The following LDHA variants were observed in gnomAD, a reference collection of about 807,000 sequenced individuals.
LDHA encodes the protein lactate dehydrogenase A, also known as L-lactate dehydrogenase A chain.
Under a neutral mutation model 36.3 loss-of-function variants are expected in LDHA, and 10 were observed. The ratio of observed to expected loss-of-function variants is 0.28; its 90% CI spans 0.17 to 0.47. The LOEUF (loss-of-function observed/expected upper bound fraction) is 0.47. LDHA is among the 20% of genes least tolerant of loss of function. LDHA has a pLI of 0.99. For missense variants in LDHA, 267 were observed against 405.8 expected, an observed-to-expected ratio of 0.66 and a Z score of 2.94; for synonymous variants, 110 against 136.7, an observed-to-expected ratio of 0.80 and a Z score of 1.36.
At position 18,407,384 on chromosome 11, in the gene LDHA, A is replaced by G. The variant is rs1337848828; in HGVS notation, c.*103A>G. On this transcript the variant is annotated 3_prime_UTR_variant, in exon 8 of 8. Coordinates refer to ENST00000422447, the MANE Select transcript of LDHA (RefSeq NM_005566.4). ...TATCTGATCTGTGATTAAAGCAGTA[A>G]TATTTTAAGATGGACTGGGAAAAAC... The G allele has an allele frequency of 2.5e-6, 4 of 1,595,078 alleles. No individual in the cohort carries two copies. The highest frequency in any genetic ancestry group is 2.6e-6 in the Non-Finnish European group (3 of 1,170,476).
intron 2 of LDHA, chr11:18,398,863 C>G: frequency 6.2e-6 from 1 of 161,740 alleles, no homozygotes; most frequent in Non-Finnish European, 1.4e-5. Flanking sequence ...ATCCGCCTAC[C>G]TTGGCCTCCC....
chr11:18,407,038 T>TA, intron 7 of LDHA, 79 bp from the exon 8 acceptor site: 1 of 1,129,242 alleles, frequency 8.9e-7, no homozygotes, highest in Non-Finnish European at 1.3e-6. Context: ...GCTTTATAAT[T>TA]ATAGAGACTG....
chr11:18,404,138 G>GT (rs947131863), intron 6 of LDHA, among the ~76,000 whole-genome samples: 1 of 85,918 alleles, frequency 1.2e-5, no homozygotes, highest in African/African-American at 3.2e-5. Flanking sequence ...CACCATGTTA[G>GT]CCAAAAAAAA....
chr11:18,404,762 C>T (rs898476172), intron 6 of LDHA, among the ~76,000 whole-genome samples: 2 of 149,698 alleles, frequency 1.3e-5, no homozygotes, highest in Non-Finnish European at 3.0e-5. Context: ...GAGCCGAGAT[C>T]GCGCCACTGC....
intron 4 of LDHA, among the ~76,000 whole-genome samples, chr11:18,401,759 G>C (rs965668215): frequency 1.4e-4 from 22 of 151,782 alleles, no homozygotes; most frequent in African/African-American, 5.1e-4. Context: ...TTACAGGCGT[G>C]AGCCACCGTG....
At position 18,395,570 on chromosome 11, in the gene LDHA, A is replaced by G. The variant is rs958949520; in HGVS notation, c.-25+934A>G. On this transcript the variant is annotated intron_variant, in intron 1 of 7. Transcript: ENST00000422447. The stretch of plus-strand genomic sequence containing the variant: ...GGCTAGAAACCTTACAAGGCTGTCT[A>G]GAAATAGCAGTGATTTGTAAGGAGA... Among the ~76,000 whole-genome samples, 7 of 152,164 alleles carry G rather than the reference A, an allele frequency of 4.6e-5. No homozygotes were observed. The South Asian group carries it at 1.4e-3, about 32-fold the overall frequency.
chr11:18,405,647 T>C, intron 7 of LDHA, 75 bp downstream of exon 7: 1 of 1,479,054 alleles, frequency 6.8e-7, no homozygotes, highest in Non-Finnish European at 9.4e-7. Flanking sequence ...CTGAGAAAGA[T>C]TAATACAAGT....
chr11:18,394,905 G>A, intron 1 of LDHA: 1 of 351,050 alleles, frequency 2.8e-6, no homozygotes, highest in Non-Finnish European at 5.7e-6. Context: ...ACCCAAGCAG[G>A]GGTCGAAAGC....
intron 1 of LDHA, among the ~76,000 whole-genome samples, chr11:18,395,962 T>A (rs1866279453): frequency 6.6e-6 from 1 of 152,222 alleles, no homozygotes; most frequent in Admixed American, 6.5e-5. Context: ...GTATTGCGAT[T>A]TAAAGTCTGG....
chr11:18,396,161 C>G (rs190921109), intron 1 of LDHA: 312 of 188,016 alleles, frequency 1.7e-3, no homozygotes, highest in African/African-American at 5.7e-3. Context: ...GGCCCGATGC[C>G]CGCTTCCCAA....
chr11:18,404,267 G>C (rs1866596952), intron 6 of LDHA, among the ~76,000 whole-genome samples: 1 of 152,172 alleles, frequency 6.6e-6, no homozygotes, highest in South Asian at 2.1e-4. Context: ...AAATTAGCCA[G>C]GCATGGTGGT....
chr11:18,408,179 C>T lies in LDHA; in HGVS notation c.*898C>T, dbSNP rs1034752873. 1.3e-5 allele frequency: 6 copies of T among 453,968 alleles called. No individual in the cohort carries two copies. Among genetic ancestry groups the T allele is most frequent in the Non-Finnish European group, 2.6e-5 (6 of 226,792 alleles). 28.1% of individuals were successfully genotyped at this position (453,968 alleles called of 1,614,324 possible). A position where few individuals can be genotyped will look rare whatever the true frequency, so the allele number is the denominator to read the frequency against. The stretch of plus-strand genomic sequence containing the variant: ...ACACAGATTTTTGAGATCTTGTCCT[C>T]TGGAAGCTGGTAACAATTAAAAACA... On this transcript the variant is annotated 3_prime_UTR_variant, in exon 8 of 8. Coordinates refer to ENST00000422447, the MANE Select transcript of LDHA (RefSeq NM_005566.4).
chr11:18,400,874 C>G lies in LDHA; in HGVS notation c.282C>G (p.Ile94Met), dbSNP rs1866461811. The change falls in exon 4 of 8, where the codon ATC becomes ATG. Residue 94 changes from isoleucine to methionine, a missense_variant. Coordinates refer to ENST00000422447, the MANE Select transcript of LDHA (RefSeq NM_005566.4). ...NVTANSKLVI[I>M]TAGARQQEGE... is the part of the protein sequence containing the mutation. ...CTGCAAACTCCAAGCTGGTCATTAT[C>G]ACGGCTGGGGCACGTCAGCAAGAGG... The G allele has an allele frequency of 6.2e-7, 1 of 1,613,430 alleles. No individual in the cohort carries two copies. Among genetic ancestry groups the G allele is most frequent in the African/African-American group, 1.3e-5 (1 of 74,860 alleles).
intron 3 of LDHA, chr11:18,399,813 T>C (rs1198334278): frequency 2.4e-6 from 1 of 408,736 alleles, no homozygotes; most frequent in Non-Finnish European, 4.6e-6. Context: ...CAGGCCTGTC[T>C]TGAACCACTG....
At chr11:18,396,786 C>T in intron 1 of LDHA, 33 bp from the exon 2 acceptor site, 1 of 1,552,826 alleles carries the variant, frequency 6.4e-7, no homozygotes, top group South Asian at 1.2e-5. Context: ...ATTAAAGAAG[C>T]TGTAGTGACA....
chr11:18,397,092 A>G, intron 2 of LDHA, 124 bp downstream of exon 2: 1 of 865,746 alleles, frequency 1.2e-6, no homozygotes, highest in Non-Finnish European at 1.9e-6. Flanking sequence ...ACTCATTCGG[A>G]TAACTTTCTG....
Position 18,402,632 on chromosome 11 carries a change from T to C in LDHA, c.419-208T>C, listed in dbSNP as rs916009775. 5.1e-5 allele frequency: 27 copies of C among 531,378 alleles called. No individual in the cohort carries two copies. In the East Asian group the frequency reaches 8.7e-4, roughly 17 times the overall value. 32.9% of individuals were successfully genotyped at this position (531,378 alleles called of 1,614,324 possible). On this transcript the variant is annotated intron_variant, in intron 4 of 7. Coordinates refer to ENST00000422447, the MANE Select transcript of LDHA (RefSeq NM_005566.4). ...TTTTGAATAATTAATGGACTTGATA[T>C]ACATAGTGTAGAGGCTTAAAAATAT...
At chr11:18,395,643 TC>T (rs374239374) in intron 1 of LDHA, among the ~76,000 whole-genome samples, 1 of 152,180 alleles carries the variant, frequency 6.6e-6, no homozygotes, top group African/African-American at 2.4e-5. Context: ...TGCCTAGAGG[TC>T]CTCTCGGATT....
chr11:18,407,043 A>T, intron 7 of LDHA, 74 bp from the exon 8 acceptor site: 1 of 1,144,708 alleles, frequency 8.7e-7, no homozygotes, highest in Non-Finnish European at 1.3e-6. Flanking sequence ...ATAATTATAG[A>T]GACTGTAAGT....
Sources: allele counts gnomAD v4.1 joint callset (sites outside exome capture counted in the v4.1 genomes callset), GRCh38; gene constraint gnomAD v4.1.1; transcripts MANE v1.5; gene names NCBI Gene and HGNC (gene_info 2026-07-23, HGNC 2026-07-21).